Variants in CALN1 observed in about 807,000 individuals in gnomAD.
CALN1 encodes the protein calneuron 1.
A neutral mutation model predicts 30.6 loss-of-function variants in CALN1; 17 were observed. The ratio of observed to expected loss-of-function variants is 0.56; its 90% CI spans 0.38 to 0.83. The LOEUF is 0.83. Ranked by LOEUF, CALN1 falls within the 40% of genes least tolerant of loss-of-function variation. The probability of loss-of-function intolerance (pLI) is 0.00; values close to 1 mark genes in which losing one functional copy is unlikely to be tolerated. For synonymous variants in CALN1, 156 were observed against 131.4 expected, an observed-to-expected ratio of 1.19 and a Z score of -1.28; for missense variants, 291 against 354.9, an observed-to-expected ratio of 0.82 and a Z score of 1.45.
chr7:72,395,351 ACGCG>A (rs67070205), intron 2 of CALN1, among the ~76,000 whole-genome samples: 19 of 80,920 alleles, frequency 2.3e-4, no homozygotes, highest in African/African-American at 5.0e-4. Context: ...CACGCTGCGC[ACGCG>A]CGCGCACACA....
chr7:72,201,063 G>C (rs1421587246), intron 3 of CALN1, among the ~76,000 whole-genome samples: 1 of 152,200 alleles, frequency 6.6e-6, no homozygotes, highest in African/African-American at 2.4e-5. Context: ...GGATAATGTA[G>C]TATATACACA....
chr7:72,139,449 C>T (rs1000938376), intron 3 of CALN1, among the ~76,000 whole-genome samples: 1 of 151,520 alleles, frequency 6.6e-6, no homozygotes, highest in Non-Finnish European at 1.5e-5. Flanking sequence ...CTCAGCCACG[C>T]CCACCCTCTT....
intron 3 of CALN1, among the ~76,000 whole-genome samples, chr7:72,112,745 G>C (rs542259858): frequency 1.1e-4 from 17 of 152,186 alleles, no homozygotes; most frequent in Non-Finnish European, 1.8e-4. Flanking sequence ...TGCCAGGATA[G>C]ATAAGTAGCA....
At chr7:71,833,151 G>A (rs952720885) in intron 5 of CALN1, among the ~76,000 whole-genome samples, 1 of 152,174 alleles carries the variant, frequency 6.6e-6, no homozygotes, top group African/African-American at 2.4e-5. Flanking sequence ...TAGAGTTCTA[G>A]GGGTTGGATG....
intron 5 of CALN1, among the ~76,000 whole-genome samples, chr7:71,929,410 A>G (rs1307463464): frequency 6.6e-6 from 1 of 152,190 alleles, no homozygotes; most frequent in African/African-American, 2.4e-5. Flanking sequence ...TTCTTGCATT[A>G]GTTTGCTGAG....
At chr7:71,957,943 T>C (rs1047451119) in intron 5 of CALN1, among the ~76,000 whole-genome samples, 7 of 151,416 alleles carry the variant, frequency 4.6e-5, no homozygotes, top group Non-Finnish European at 8.8e-5. Flanking sequence ...CATGCACCTG[T>C]AATCCCAGCT....
intron 1 of CALN1, among the ~76,000 whole-genome samples, chr7:72,439,054 G>A (rs1449611775): frequency 1.3e-5 from 2 of 152,010 alleles, no homozygotes; most frequent in African/African-American, 4.8e-5. Flanking sequence ...CTTTTTTTCT[G>A]GAGACAGCGC....
chr7:71,875,246 A>G (rs1411219147), intron 5 of CALN1, among the ~76,000 whole-genome samples: 1 of 151,806 alleles, frequency 6.6e-6, no homozygotes, highest in Non-Finnish European at 1.5e-5. Context: ...GCAGATGGGC[A>G]AATGCAAGGA....
At chr7:72,407,473 A>G (rs1454685397) in intron 1 of CALN1, among the ~76,000 whole-genome samples, 4 of 152,146 alleles carry the variant, frequency 2.6e-5, no homozygotes, top group African/African-American at 9.7e-5. Context: ...CTTGTGATAC[A>G]GTTCTCATGA....
intron 2 of CALN1, among the ~76,000 whole-genome samples, chr7:72,398,378 G>T (rs1806116255): frequency 6.6e-6 from 1 of 152,162 alleles, no homozygotes; most frequent in East Asian, 1.9e-4. Context: ...AATGAGTCAG[G>T]CATTCTAAAT....
intron 4 of CALN1, among the ~76,000 whole-genome samples, chr7:72,056,941 GTTGTT>G (rs1390972348): frequency 6.6e-6 from 1 of 151,976 alleles, no homozygotes; most frequent in Non-Finnish European, 1.5e-5. Flanking sequence ...TGTTGTTGTT[GTTGTT>G]TTGTTTGTTT....
chr7:72,441,270 G>T (rs1808333937), intron 1 of CALN1, among the ~76,000 whole-genome samples: 1 of 151,958 alleles, frequency 6.6e-6, no homozygotes, highest in Non-Finnish European at 1.5e-5. Flanking sequence ...CAGGGAGGTG[G>T]GAAGAAGCCA....
chr7:72,488,371 A>C, the CALN1 span, among the ~76,000 whole-genome samples: 13 of 152,186 alleles, frequency 8.5e-5, no homozygotes, highest in South Asian at 2.3e-3. Flanking sequence ...ATCCTGTCTC[A>C]AAAGAATAAA....
chr7:72,408,080 C>T (rs1004962280), intron 1 of CALN1, among the ~76,000 whole-genome samples: 1 of 152,016 alleles, frequency 6.6e-6, no homozygotes, highest in Admixed American at 6.6e-5. Context: ...GTTCAATAAA[C>T]ATATATTGAA....
At chr7:72,400,662 G>T (rs567272604) in intron 2 of CALN1, among the ~76,000 whole-genome samples, 1 of 152,244 alleles carries the variant, frequency 6.6e-6, no homozygotes, top group East Asian at 1.9e-4. Context: ...TTGAGGTCAG[G>T]GGTTTGAGAC....
At chr7:71,830,360 T>C (rs895965392) in intron 5 of CALN1, among the ~76,000 whole-genome samples, 23 of 151,070 alleles carry the variant, frequency 1.5e-4, no homozygotes, top group African/African-American at 5.4e-4. Context: ...CTTTTTTTCT[T>C]TTTTTGAGAC....
chr7:72,214,478 CAGAAAAAAAA>C (rs1792631097), intron 3 of CALN1, among the ~76,000 whole-genome samples: 1 of 150,210 alleles, frequency 6.7e-6, no homozygotes, highest in Non-Finnish European at 1.5e-5. Context: ...GACTCCATCT[CAGAAAAAAAA>C]AGAAAAAGAA....
intron 2 of CALN1, among the ~76,000 whole-genome samples, chr7:72,390,797 CAT>C (rs771809957): frequency 8.2e-4 from 125 of 152,296 alleles, no homozygotes; most frequent in Non-Finnish European, 1.0e-3. Flanking sequence ...CAAGGAAGCA[CAT>C]GTGTTATTAT....
At chr7:71,945,411 T>C (rs1306127038) in intron 5 of CALN1, among the ~76,000 whole-genome samples, 1 of 152,322 alleles carries the variant, frequency 6.6e-6, no homozygotes, top group Admixed American at 6.5e-5. Context: ...CCAATGAGAA[T>C]GAAATAGGCA....
Sources: allele counts gnomAD v4.1 joint callset (sites outside exome capture counted in the v4.1 genomes callset), GRCh38; gene constraint gnomAD v4.1.1; transcripts MANE v1.5; gene names NCBI Gene and HGNC (gene_info 2026-07-23, HGNC 2026-07-21).